Variants in EXT2 observed in about 807,000 individuals in gnomAD.
EXT2 encodes the protein exostosin glycosyltransferase 2.
In EXT2, 53 loss-of-function variants were observed where a neutral mutation model predicts 81.6. The observed-to-expected ratio is 0.65, with a 90% CI of 0.52 to 0.82. EXT2 has a LOEUF of 0.82. Ranked by LOEUF, EXT2 falls within the 40% of genes least tolerant of loss-of-function variation. The pLI, the probability that EXT2 is intolerant of heterozygous loss-of-function variation, is 0.00. For missense variants in EXT2, 774 were observed against 910.2 expected, an observed-to-expected ratio of 0.85 and a Z score of 1.93; for synonymous variants, 320 against 340.0, an observed-to-expected ratio of 0.94 and a Z score of 0.65.
At chr11:44,174,251 G>A (rs1000443604) in intron 8 of EXT2, among the ~76,000 whole-genome samples, 4 of 152,102 alleles carry the variant, frequency 2.6e-5, no homozygotes, top group African/African-American at 9.7e-5. Context: ...ACATTTATTT[G>A]TTCAGTTGGT....
intron 12 of EXT2, among the ~76,000 whole-genome samples, chr11:44,235,440 T>A (rs1955951714): frequency 6.6e-6 from 1 of 151,860 alleles, no homozygotes; most frequent in African/African-American, 2.4e-5. Context: ...GAGACGGCAT[T>A]TCACCATGTT....
chr11:44,225,221 A>C (rs1225286863), intron 10 of EXT2, among the ~76,000 whole-genome samples: 1 of 152,098 alleles, frequency 6.6e-6, no homozygotes, highest in East Asian at 1.9e-4. Context: ...CCTCATGAAA[A>C]ATAGTATTTG....
Position 44,235,610 on chromosome 11 carries a change from T to A in EXT2, c.1936-683T>A, listed in dbSNP as rs146704570. On this transcript the variant is annotated intron_variant, in intron 12 of 13. Coordinates refer to ENST00000533608, the MANE Select transcript of EXT2 (RefSeq NM_207122.2). ...TGTGGCTGCTTACTCTGGACAGTAATGCCCAGTGTCTCTATGCTTCTTAGC... is the reference window on the plus strand; with the variant it reads ...TGTGGCTGCTTACTCTGGACAGTAAAGCCCAGTGTCTCTATGCTTCTTAGC... 9.0e-3 allele frequency among the ~76,000 whole-genome samples: 1,375 copies of A among 152,268 alleles called. 7 individuals carry two copies. Among genetic ancestry groups the A allele is most frequent in the Admixed American group, 0.014 (212 of 15,296 alleles).
intron 4 of EXT2, among the ~76,000 whole-genome samples, chr11:44,118,161 G>A (rs919569401): frequency 6.6e-6 from 1 of 152,102 alleles, no homozygotes; most frequent in Non-Finnish European, 1.5e-5. Context: ...TAACATAATT[G>A]AATATGATAG....
intron 13 of EXT2, among the ~76,000 whole-genome samples, chr11:44,238,913 AT>A (rs796688933): frequency 5.9e-5 from 9 of 151,888 alleles, no homozygotes; most frequent in African/African-American, 1.7e-4. Flanking sequence ...AAGGAGCTAG[AT>A]TTTTTTTTCC....
intron 6 of EXT2, among the ~76,000 whole-genome samples, chr11:44,128,154 T>C (rs1284364829): frequency 1.3e-5 from 2 of 152,252 alleles, no homozygotes; most frequent in Non-Finnish European, 2.9e-5. Flanking sequence ...ATTCATTTAT[T>C]CATTCATCTC....
chr11:44,176,007 C>T (rs551621338), intron 8 of EXT2, among the ~76,000 whole-genome samples: 5 of 152,322 alleles, frequency 3.3e-5, no homozygotes, highest in African/African-American at 9.6e-5. Context: ...AGGTCTTCTA[C>T]GTGCAGATTA....
rs1192115471 is a variant in EXT2, at chr11:44,119,169, T to TATATATATATAG, written c.743+4869_743+4870insTATATATATAGA. 4.5e-3 allele frequency among the ~76,000 whole-genome samples: 281 copies of TATATATATATAG among 63,072 alleles called. 10 individuals carry two copies. Among genetic ancestry groups the TATATATATATAG allele is most frequent in the Non-Finnish European group, 7.3e-3 (231 of 31,710 alleles). The allele number at this position is 63,072 out of a possible 152,430, so 41.4% of individuals were successfully genotyped here. On this transcript the variant is annotated intron_variant, in intron 4 of 13. Coordinates refer to ENST00000533608, the MANE Select transcript of EXT2 (RefSeq NM_207122.2). The stretch of plus-strand genomic sequence containing the variant: ...ATATATATATATATATATATATATA[T>TATATATATATAG]ACACATACACACACACACACACACA...
At chr11:44,147,040 C>T (rs2135071717) in intron 7 of EXT2, among the ~76,000 whole-genome samples, 1 of 152,278 alleles carries the variant, frequency 6.6e-6, no homozygotes, top group East Asian at 1.9e-4. Flanking sequence ...CATATCTCTA[C>T]CCCTAAAGAG....
intron 7 of EXT2, among the ~76,000 whole-genome samples, chr11:44,168,368 A>G (rs548082743): frequency 6.6e-6 from 1 of 152,344 alleles, no homozygotes; most frequent in Admixed American, 6.5e-5. Context: ...ATTATGAAAT[A>G]TATTTCACAT....
At chr11:44,173,803 G>C (rs1329514905) in intron 8 of EXT2, among the ~76,000 whole-genome samples, 2 of 151,912 alleles carry the variant, frequency 1.3e-5, no homozygotes, top group Non-Finnish European at 2.9e-5. Flanking sequence ...TCCTGATCTT[G>C]TGATCCGCCT....
At chr11:44,174,612 AGTT>A (rs1166676366) in intron 8 of EXT2, among the ~76,000 whole-genome samples, 3 of 152,066 alleles carry the variant, frequency 2.0e-5, no homozygotes, top group African/African-American at 7.2e-5. Context: ...TGACCTCTAC[AGTT>A]GTTTACTTTT....
chr11:44,149,482 C>T (rs1954764191), intron 7 of EXT2, among the ~76,000 whole-genome samples: 1 of 152,154 alleles, frequency 6.6e-6, no homozygotes, highest in Non-Finnish European at 1.5e-5. Context: ...TTATAGGAAT[C>T]AACCATGTAA....
intron 8 of EXT2, among the ~76,000 whole-genome samples, chr11:44,180,955 G>A (rs1313613736): frequency 6.6e-6 from 1 of 152,112 alleles, no homozygotes; most frequent in Non-Finnish European, 1.5e-5. Context: ...ACAAAAATTA[G>A]CTGGGCATGA....
intron 10 of EXT2, among the ~76,000 whole-genome samples, chr11:44,228,490 G>T (rs1050939093): frequency 6.6e-6 from 1 of 152,138 alleles, no homozygotes; most frequent in Admixed American, 6.5e-5. Context: ...AATCGACTTC[G>T]TACTACACTA....
intron 4 of EXT2, among the ~76,000 whole-genome samples, chr11:44,119,710 C>T (rs1187494825): frequency 6.6e-6 from 1 of 152,204 alleles, no homozygotes; most frequent in Non-Finnish European, 1.5e-5. Context: ...AGCCAAAGAC[C>T]AAACTTATAA....
intron 11 of EXT2, 117 bp from the exon 12 acceptor site, chr11:44,233,998 T>C (rs952873295): frequency 7.0e-7 from 1 of 1,420,066 alleles, no homozygotes; most frequent in Non-Finnish European, 9.8e-7. Context: ...AATACAGCCT[T>C]GTGATTAATC....
chr11:44,172,122 G>T (rs1955083767), intron 8 of EXT2, among the ~76,000 whole-genome samples: 1 of 152,178 alleles, frequency 6.6e-6, no homozygotes, highest in Admixed American at 6.5e-5. Flanking sequence ...TGCTTACTCT[G>T]CCAGGGACTG....
At chr11:44,141,410 A>C (rs1954644499) in intron 7 of EXT2, among the ~76,000 whole-genome samples, 1 of 152,250 alleles carries the variant, frequency 6.6e-6, no homozygotes. Flanking sequence ...AATTGTACAA[A>C]AACCAAATGA....
Sources: allele counts gnomAD v4.1 joint callset (sites outside exome capture counted in the v4.1 genomes callset), GRCh38; gene constraint gnomAD v4.1.1; transcripts MANE v1.5; gene names NCBI Gene and HGNC (gene_info 2026-07-23, HGNC 2026-07-21).